Variants in PCDHGA11 observed in about 807,000 individuals in gnomAD.
The protein encoded by PCDHGA11 is protocadherin gamma-A11.
In PCDHGA11, 39 loss-of-function variants were observed where a neutral mutation model predicts 60.4. That is an observed-to-expected ratio of 0.65 (90% CI 0.50 to 0.84). The LOEUF (loss-of-function observed/expected upper bound fraction) is 0.84. Among genes scored for constraint, PCDHGA11 ranks in the 40% least tolerant of loss-of-function variants. PCDHGA11 has a pLI of 0.00. For missense variants in PCDHGA11, 1,165 were observed against 1,197.7 expected (o/e 0.97, Z 0.40); for synonymous variants, 533 against 510.3 (o/e 1.04, Z -0.60).
intron 1 of PCDHGA11, among the ~76,000 whole-genome samples, chr5:141,464,888 GCCACCATGT>G (rs1351812446): frequency 6.6e-6 from 1 of 152,000 alleles, no homozygotes; most frequent in East Asian, 1.9e-4. Context: ...ACAGATGGAT[GCCACCATGT>G]CCAGCTAATT....
intron 2 of PCDHGA11, among the ~76,000 whole-genome samples, chr5:141,501,719 T>C (rs1024307894): frequency 6.6e-6 from 1 of 152,028 alleles, no homozygotes; most frequent in African/African-American, 2.4e-5. Context: ...AAAAGACAAA[T>C]ATATTACCCA....
Position 141,491,208 on chromosome 5 carries a change from C to A in PCDHGA11, c.2434-3599C>A. ...TGAGGGACAATGGTGACCCTTCACT[C>A]TCCTCCACAGCCACAGTGCTGCTGG... On this transcript the variant is annotated intron_variant, in intron 1 of 3. Coordinates refer to ENST00000398587, the MANE Select transcript of PCDHGA11 (RefSeq NM_018914.3). The surrounding 1 kb of genome is among the most constrained non-coding windows in gnomAD (Gnocchi z 6.9). The A allele has an allele frequency of 6.2e-7, 1 of 1,614,204 alleles. No homozygotes were observed. Among genetic ancestry groups the A allele is most frequent in the African/African-American group, 1.3e-5 (1 of 75,058 alleles).
At chr5:141,478,165 C>T (rs780594020) in intron 1 of PCDHGA11, 18 of 1,613,920 alleles carry the variant, frequency 1.1e-5, no homozygotes, top group Non-Finnish European at 1.5e-5. Context: ...GCTCTGCCCC[C>T]CGGGAGCAGA....
rs558951022 is a variant in PCDHGA11 at position 141,501,554 on chromosome 5, C to T, written c.2493-3839C>T. On this transcript the variant is annotated intron_variant, in intron 2 of 3. Coordinates refer to ENST00000398587, the MANE Select transcript of PCDHGA11 (RefSeq NM_018914.3). ...CGTTGTTGTGCATAAGATCATAGGC[C>T]CTGGAATCATATTAGGCTGGCTTTC... is the stretch of plus-strand genomic sequence containing the variant. Among the ~76,000 whole-genome samples the T allele has an allele frequency of 3.3e-5, 5 of 152,044 alleles. No homozygotes were observed. In the East Asian group the frequency reaches 7.8e-4, roughly 24 times the overall value.
chr5:141,460,582 G>A (rs1246329967), intron 1 of PCDHGA11, among the ~76,000 whole-genome samples: 2 of 152,022 alleles, frequency 1.3e-5, no homozygotes, highest in South Asian at 4.1e-4. Context: ...GTAGGTGTGG[G>A]TTTTTTCTGG....
chr5:141,509,787 TCTC>T (rs2099878266), intron 3 of PCDHGA11, among the ~76,000 whole-genome samples: 1 of 152,132 alleles, frequency 6.6e-6, no homozygotes, highest in Non-Finnish European at 1.5e-5. Context: ...GAGATCATCA[TCTC>T]CTCAGCTTCA....
At chr5:141,480,298 C>G (rs1238380283) in intron 1 of PCDHGA11, among the ~76,000 whole-genome samples, 1 of 132,676 alleles carries the variant, frequency 7.5e-6, no homozygotes, top group Non-Finnish European at 1.6e-5. Flanking sequence ...ACCTGTGGTA[C>G]CAGCTACTTG....
chr5:141,486,505 T>C lies in PCDHGA11; in HGVS notation c.2434-8302T>C. The C allele has an allele frequency of 6.2e-7, 1 of 1,614,156 alleles. No individual in the cohort carries two copies. ...GTACCCACAGAACTATTTTCCTCAA[T>C]ATTTCAGATGTGAATGATAATCCAC... is the stretch of plus-strand genomic sequence containing the variant. On this transcript the variant is annotated intron_variant, in intron 1 of 3. Coordinates refer to ENST00000398587, the MANE Select transcript of PCDHGA11 (RefSeq NM_018914.3). The surrounding 1 kb of genome is among the most constrained non-coding windows in gnomAD (Gnocchi z 5.0).
At chr5:141,434,667 G>A (rs1464226862) in intron 1 of PCDHGA11, among the ~76,000 whole-genome samples, 5 of 151,956 alleles carry the variant, frequency 3.3e-5, no homozygotes, top group African/African-American at 1.2e-4. Context: ...CTATAGAAAT[G>A]ATGCTAATGA....
Position 141,486,243 on chromosome 5 carries a change from G to T in PCDHGA11, c.2434-8564G>T. ...TACATCACAGTGACCTCAGAGCTTG[G>T]AACCCTCCCCGAGAGTGCAGAACCT... is the stretch of plus-strand genomic sequence containing the variant. On this transcript the variant is annotated intron_variant, in intron 1 of 3. Coordinates refer to ENST00000398587, the MANE Select transcript of PCDHGA11 (RefSeq NM_018914.3). The surrounding 1 kb of genome is among the most constrained non-coding windows in gnomAD (Gnocchi z 5.0). 1 of 1,614,156 alleles carries T rather than the reference G, an allele frequency of 6.2e-7. No individual in the cohort carries two copies. Among genetic ancestry groups the T allele is most frequent in the Non-Finnish European group, 8.5e-7 (1 of 1,180,018 alleles).
rs779292483 is a variant in PCDHGA11 at position 141,491,102 on chromosome 5, T to C, written c.2434-3705T>C. The C allele has an allele frequency of 6.2e-7, 1 of 1,614,152 alleles. No individual in the cohort carries two copies. Among genetic ancestry groups the C allele is most frequent in the Non-Finnish European group, 8.5e-7 (1 of 1,180,006 alleles). ...TCCACAGCCCCAGGACTGTTCCTCG[T>C]GTCTACACACACTGGTGAGGTGCGC... On this transcript the variant is annotated intron_variant, in intron 1 of 3. Transcript: ENST00000398587. This position sits in a 1 kb window ranked among gnomAD's most constrained non-coding sequence, Gnocchi z 6.9.
At chr5:141,504,517 T>C (rs1057166865) in intron 2 of PCDHGA11, among the ~76,000 whole-genome samples, 5 of 151,918 alleles carry the variant, frequency 3.3e-5, no homozygotes, top group African/African-American at 1.2e-4. Context: ...TCTCCTCTGA[T>C]ATATTTTATT....
rs1245488589 is a variant in PCDHGA11, at chr5:141,422,676, A to G, written c.1449A>G (p.Lys483=). The change falls in exon 1 of 4, where the codon AAA becomes AAG. Residue 483 remains lysine, a synonymous_variant. Coordinates refer to ENST00000398587, the MANE Select transcript of PCDHGA11 (RefSeq NM_018914.3). ...FSVTALDPDS[K]QNALVTYSLT... Reference sequence around the variant, plus strand: ...TGACCGCCCTCGACCCGGACAGCAAACAGAATGCCCTGGTCACTTACTCTC... The same window carrying G: ...TGACCGCCCTCGACCCGGACAGCAAGCAGAATGCCCTGGTCACTTACTCTC... 2 of 1,606,500 alleles carry G rather than the reference A, an allele frequency of 1.2e-6. No individual in the cohort carries two copies. The highest frequency in any genetic ancestry group is 4.5e-5 in the East Asian group (2 of 44,862).
At chr5:141,492,449 T>C (rs1045043841) in intron 1 of PCDHGA11, among the ~76,000 whole-genome samples, 50 of 152,314 alleles carry the variant, frequency 3.3e-4, no homozygotes, top group African/African-American at 1.2e-3. Flanking sequence ...TAGCTGATTG[T>C]GCGCGCCTGA....
chr5:141,445,376 A>T (rs1182418123), intron 1 of PCDHGA11, among the ~76,000 whole-genome samples: 1 of 152,220 alleles, frequency 6.6e-6, no homozygotes, highest in Non-Finnish European at 1.5e-5. Context: ...TGGGTGGTTC[A>T]TTCATTCATT....
Position 141,476,570 on chromosome 5 carries a change from A to G in PCDHGA11, c.2434-18237A>G. ...GATTAGCGAGGCCGTGGCTCCGGGG[A>G]CGCGCTTTCCGCTCGAGAGCGCGCA... On this transcript the variant is annotated intron_variant, in intron 1 of 3. Transcript: ENST00000398587. The surrounding 1 kb of genome is among the most constrained non-coding windows in gnomAD (Gnocchi z 7.6). 3 of 1,614,114 alleles carry G rather than the reference A, an allele frequency of 1.9e-6. No individual in the cohort carries two copies. The highest frequency in any genetic ancestry group is 2.5e-6 in the Non-Finnish European group (3 of 1,180,012).
At position 141,421,359 on chromosome 5, in the gene PCDHGA11, C is replaced by T; in HGVS notation, c.132C>T (p.Ser44=). The change falls in exon 1 of 4, where the codon TCC becomes TCT. Residue 44 remains serine, a synonymous_variant. Coordinates refer to ENST00000398587, the MANE Select transcript of PCDHGA11 (RefSeq NM_018914.3). ...TGCCAGAAGAGACCGAAAAGGGCTC[C>T]TTCGTGGGCAATATCTCCAAGGACC... ...YSVPEETEKG[S]FVGNISKDLG... is the part of the protein sequence containing the mutation. 6.2e-7 allele frequency: 1 copy of T among 1,614,012 alleles called. No homozygotes were observed. The highest frequency in any genetic ancestry group is 8.5e-7 in the Non-Finnish European group (1 of 1,179,908).
intron 1 of PCDHGA11, 109 bp downstream of exon 1, chr5:141,423,769 CATAT>C (rs2096780943): frequency 8.2e-7 from 1 of 1,219,458 alleles, no homozygotes; most frequent in South Asian, 2.2e-5. Context: ...GGTGGGGCGG[CATAT>C]ATTTAGTTCA....
chr5:141,424,519 A>T (rs1216899186), intron 1 of PCDHGA11: 1 of 152,222 alleles, frequency 6.6e-6, no homozygotes, highest in African/African-American at 2.4e-5. Context: ...TTAATGTAGT[A>T]AATCCATATA....
Sources: allele counts gnomAD v4.1 joint callset (sites outside exome capture counted in the v4.1 genomes callset), GRCh38; gene constraint gnomAD v4.1.1; non-coding constraint Gnocchi (gnomAD v3.1); transcripts MANE v1.5; gene names NCBI Gene and HGNC (gene_info 2026-07-23, HGNC 2026-07-21).